The following DLGAP1 variants were observed in gnomAD, a reference collection of about 807,000 sequenced individuals.
The protein encoded by DLGAP1 is disks large-associated protein 1.
DLGAP1 carries 11 observed loss-of-function variants against 90.8 expected under a neutral mutation model. That is an observed-to-expected ratio of 0.12 (90% CI 0.08 to 0.20). DLGAP1 has a LOEUF of 0.20. Ranked by LOEUF, DLGAP1 falls within the 10% of genes least tolerant of loss-of-function variation. The probability of loss-of-function intolerance (pLI) is 1.00; values close to 1 mark genes in which losing one functional copy is unlikely to be tolerated. For synonymous variants in DLGAP1, 558 were observed against 540.7 expected, an observed-to-expected ratio of 1.03 and a Z score of -0.44; for missense variants, 1,050 against 1,333.8, an observed-to-expected ratio of 0.79 and a Z score of 3.31.
At chr18:4,122,958 T>C (rs1157290075) in intron 2 of DLGAP1, among the ~76,000 whole-genome samples, 3 of 152,134 alleles carry the variant, frequency 2.0e-5, no homozygotes, top group Admixed American at 2.0e-4. Context: ...TGGACCCTAT[T>C]TGCTTCTCAC....
At chr18:3,888,745 T>C (rs1322618337) in intron 3 of DLGAP1, among the ~76,000 whole-genome samples, 1 of 152,226 alleles carries the variant, frequency 6.6e-6, no homozygotes, top group African/African-American at 2.4e-5. Context: ...TATTGGTGGT[T>C]GAGCAAAATG....
chr18:3,904,451 C>T (rs1568291376), intron 3 of DLGAP1, among the ~76,000 whole-genome samples: 2 of 152,170 alleles, frequency 1.3e-5, no homozygotes, highest in Non-Finnish European at 2.9e-5. Flanking sequence ...TTATGGGAGT[C>T]CTTAAGCCTG....
At chr18:4,403,918 C>T (rs1446310798) in intron 1 of DLGAP1, among the ~76,000 whole-genome samples, 1 of 151,888 alleles carries the variant, frequency 6.6e-6, no homozygotes, top group Non-Finnish European at 1.5e-5. Flanking sequence ...TCCCTGGCTC[C>T]CTTCTGCAGC....
chr18:3,683,300 T>G (rs2060584929), intron 7 of DLGAP1, among the ~76,000 whole-genome samples: 1 of 152,138 alleles, frequency 6.6e-6, no homozygotes, highest in South Asian at 2.1e-4. Flanking sequence ...TCAAGAGATG[T>G]AGAACACATC....
At chr18:4,401,132 C>A (rs1180833919) in intron 1 of DLGAP1, among the ~76,000 whole-genome samples, 2 of 152,132 alleles carry the variant, frequency 1.3e-5, no homozygotes, top group African/African-American at 4.8e-5. Flanking sequence ...AGAGGCACTT[C>A]AAAATGGTTA....
intron 4 of DLGAP1, among the ~76,000 whole-genome samples, chr18:3,853,047 G>C (rs1198221764): frequency 6.6e-6 from 1 of 151,956 alleles, no homozygotes; most frequent in Non-Finnish European, 1.5e-5. Context: ...CTAATTTCTA[G>C]AAGAATTTTT....
chr18:3,956,289 T>A (rs2073081534), intron 3 of DLGAP1, among the ~76,000 whole-genome samples: 1 of 152,132 alleles, frequency 6.6e-6, no homozygotes, highest in Non-Finnish European at 1.5e-5. Flanking sequence ...CCGAAGAAAA[T>A]GTCTGTTAAA....
chr18:4,213,421 T>C (rs999585212), intron 1 of DLGAP1, among the ~76,000 whole-genome samples: 5 of 151,974 alleles, frequency 3.3e-5, no homozygotes, highest in African/African-American at 1.2e-4. Context: ...TGCATTGGAG[T>C]GACAGCAAGA....
At chr18:3,936,615 G>T (rs1022134889) in intron 3 of DLGAP1, among the ~76,000 whole-genome samples, 1 of 152,178 alleles carries the variant, frequency 6.6e-6, no homozygotes, top group South Asian at 2.1e-4. Flanking sequence ...TGAATACCTT[G>T]AGATAAAGTT....
chr18:4,046,741 T>C (rs1568367910), intron 2 of DLGAP1, among the ~76,000 whole-genome samples: 1 of 152,258 alleles, frequency 6.6e-6, no homozygotes, highest in African/African-American at 2.4e-5. Context: ...GGACAATTTA[T>C]CCTCGGAGGT....
At chr18:4,319,378 T>C (rs2080619013) in intron 1 of DLGAP1, among the ~76,000 whole-genome samples, 1 of 152,218 alleles carries the variant, frequency 6.6e-6, no homozygotes, top group African/African-American at 2.4e-5. Context: ...ATTTAGTGGA[T>C]GTCTAATTAT....
chr18:4,132,014 T>G (rs1328054935), intron 2 of DLGAP1, among the ~76,000 whole-genome samples: 1 of 152,146 alleles, frequency 6.6e-6, no homozygotes, highest in Non-Finnish European at 1.5e-5. Flanking sequence ...GTTGAAATGG[T>G]GTTTTATGAC....
intron 7 of DLGAP1, among the ~76,000 whole-genome samples, chr18:3,710,374 C>T (rs1284899082): frequency 2.6e-5 from 4 of 152,188 alleles, no homozygotes; most frequent in Non-Finnish European, 5.9e-5. Flanking sequence ...CCTCCACACC[C>T]AGCTTCAGGC....
In DLGAP1 at chr18:4,182,304, A is replaced by G. The variant is rs554136425; in HGVS notation, c.-266-31017T>C. Among the ~76,000 whole-genome samples, 32 of 152,188 alleles carry G rather than the reference A, an allele frequency of 2.1e-4. 1 individual carries two copies. In the South Asian group the frequency reaches 5.6e-3, roughly 27 times the overall value. ...AAAATTGGGATGTAAATTTACAAAG[A>G]CAAAAGCTATTTCACCTCCCCTCTC... On this transcript the variant is annotated intron_variant, in intron 1 of 12. Coordinates refer to ENST00000315677, the MANE Select transcript of DLGAP1 (RefSeq NM_004746.4).
intron 1 of DLGAP1, among the ~76,000 whole-genome samples, chr18:4,363,116 A>C (rs554490306): frequency 3.9e-5 from 6 of 152,298 alleles, no homozygotes; most frequent in Non-Finnish European, 8.8e-5. Flanking sequence ...CAGTAAATGA[A>C]ATGGCCATAG....
In DLGAP1 at chr18:3,731,181, C is replaced by CAT. The variant is rs543477898; in HGVS notation, c.1351-1808_1351-1807dup. On this transcript the variant is annotated intron_variant, in intron 6 of 12. Coordinates refer to ENST00000315677, the MANE Select transcript of DLGAP1 (RefSeq NM_004746.4). ...GCAAATGTATGGGTGTATATATAGA[C>CAT]ATATATATAATATATGTATATGTAT... Among the ~76,000 whole-genome samples the CAT allele has an allele frequency of 3.9e-3, 590 of 151,990 alleles. 7 individuals carry two copies. Among genetic ancestry groups the CAT allele is most frequent in the African/African-American group, 0.014 (564 of 41,478 alleles).
intron 9 of DLGAP1, among the ~76,000 whole-genome samples, chr18:3,561,268 A>AAC (rs2054083643): frequency 1.3e-5 from 1 of 78,208 alleles, no homozygotes; most frequent in African/African-American, 1.4e-4. Context: ...AAAAAAAACA[A>AAC]AAAAAAAAAA....
intron 9 of DLGAP1, among the ~76,000 whole-genome samples, chr18:3,548,077 T>A (rs558924816): frequency 1.3e-5 from 2 of 152,192 alleles, no homozygotes; most frequent in African/African-American, 4.8e-5. Flanking sequence ...GATTAGCAGT[T>A]ACAGAGACTG....
intron 3 of DLGAP1, among the ~76,000 whole-genome samples, chr18:3,893,293 T>C (rs998387043): frequency 6.6e-6 from 1 of 152,042 alleles, no homozygotes; most frequent in African/African-American, 2.4e-5. Flanking sequence ...AATGCAATCA[T>C]TGGCCGGGTG....
Sources: gnomAD v4.1 joint callset for allele counts (sites outside exome capture counted in the v4.1 genomes callset) on GRCh38, gnomAD v4.1.1 for gene constraint, MANE v1.5 for transcripts, NCBI Gene and HGNC (gene_info 2026-07-23, HGNC 2026-07-21) for gene names.